IMPG1: variants seen among roughly 807,000 people sequenced by gnomAD.
The protein encoded by IMPG1 is interphotoreceptor matrix proteoglycan of 150 kDa.
Under a neutral mutation model 92.0 loss-of-function variants are expected in IMPG1, and 85 were observed. The ratio of observed to expected loss-of-function variants is 0.92; its 90% CI spans 0.78 to 1.11. The LOEUF (loss-of-function observed/expected upper bound fraction) is 1.11, where lower values mean the gene tolerates loss of function less well. Among genes scored for constraint, IMPG1 ranks in the 50% least tolerant of loss-of-function variants. The pLI is 0.00. For missense variants in IMPG1, 1,022 were observed against 956.0 expected (o/e 1.07, Z -0.91); for synonymous variants, 367 against 334.1 (o/e 1.10, Z -1.08).
Position 76,018,712 on chromosome 6 carries a change from A to T in IMPG1, c.807+6T>A, listed in dbSNP as rs777341945. The stretch of plus-strand genomic sequence containing the variant: ...AGGTGTGGTTGTATGGGCCGGGTCT[A>T]CTCACCTGAAGTTGGGACTTTCCTG... On this transcript the variant is annotated splice_donor_region_variant and intron_variant, in intron 7 of 16. Transcript: ENST00000369950. The T allele has an allele frequency of 2.5e-6, 4 of 1,612,380 alleles. No homozygotes were observed. The African/African-American group carries it at 5.3e-5, about 22-fold the overall frequency.
At chr6:76,016,235 T>C (rs533562094) in intron 7 of IMPG1, among the ~76,000 whole-genome samples, 41 of 152,338 alleles carry the variant, frequency 2.7e-4, no homozygotes, top group Non-Finnish European at 5.1e-4. Flanking sequence ...AGCTAATTTT[T>C]GGCAAAAACA....
At chr6:75,925,501 A>G (rs1781534828) in intron 15 of IMPG1, among the ~76,000 whole-genome samples, 1 of 152,086 alleles carries the variant, frequency 6.6e-6, no homozygotes, top group African/African-American at 2.4e-5. Context: ...TCATGGGAAG[A>G]AGGCAGAGGA....
In IMPG1 at chr6:76,018,831, C is replaced by A; in HGVS notation, c.694G>T (p.Glu232Ter). 1.9e-6 allele frequency: 3 copies of A among 1,604,298 alleles called. No individual in the cohort carries two copies. Among genetic ancestry groups the A allele is most frequent in the Non-Finnish European group, 2.6e-6 (3 of 1,176,302 alleles). ...TERETEFAVLEEQRVELSVSL... is the reference protein window; with the variant it reads ...TERETEFAVL The stretch of plus-strand genomic sequence containing the variant: ...ACGCTGAGCTCCACCCTCTGCTCCT[C>A]CAACACAGCGAATTCTGTTTCTCTT... The change falls in exon 7 of 17, where the codon GAG (glutamate) becomes TAG (stop). Residue 232 changes from glutamate to a stop codon, truncating the protein, a stop_gained. Transcript: ENST00000369950. LOFTEE classifies it high-confidence loss of function.
At chr6:76,009,190 A>C (rs1751514045) in intron 8 of IMPG1, among the ~76,000 whole-genome samples, 1 of 152,202 alleles carries the variant, frequency 6.6e-6, no homozygotes, top group Admixed American at 6.5e-5. Flanking sequence ...TATTTGAAGG[A>C]GTATACCCTC....
In IMPG1 at chr6:76,072,532, A is replaced by T. The variant is rs764859020; in HGVS notation, c.-44T>A. 1 of 1,126,660 alleles carries T rather than the reference A, an allele frequency of 8.9e-7. No homozygotes were observed. Among genetic ancestry groups the T allele is most frequent in the Non-Finnish European group, 1.3e-6 (1 of 753,812 alleles). 69.8% of individuals were successfully genotyped at this position (1,126,660 alleles called of 1,614,324 possible). On this transcript the variant is annotated 5_prime_UTR_variant, in exon 1 of 17. Transcript: ENST00000369950. ...GTAATTCTGATAACAATCACAGAAC[A>T]ACCTCAAATCTCATTAAAAAGTAAC...
At position 75,977,585 on chromosome 6, in the gene IMPG1, C is replaced by G. The variant is rs1238683452; in HGVS notation, c.1291+25333G>C. ...CTGGGCAACAAGAGTGAAACTCTGCCTCAAAAAAAAAAAAAACAAAAAAAA... is the reference window on the plus strand; with the variant it reads ...CTGGGCAACAAGAGTGAAACTCTGCGTCAAAAAAAAAAAAAACAAAAAAAA... On this transcript the variant is annotated intron_variant, in intron 12 of 16. Transcript: ENST00000369950. Among the ~76,000 whole-genome samples the G allele has an allele frequency of 2.6e-5, 3 of 116,886 alleles. No individual in the cohort carries two copies. In the East Asian group the frequency reaches 9.5e-4, roughly 37 times the overall value. 76.7% of individuals were successfully genotyped at this position (116,886 alleles called of 152,430 possible).
chr6:76,058,514 G>T (rs1784155977), intron 1 of IMPG1, among the ~76,000 whole-genome samples: 1 of 152,138 alleles, frequency 6.6e-6, no homozygotes, highest in Non-Finnish European at 1.5e-5. Context: ...CCATAAAAGG[G>T]AGTAATATTT....
chr6:75,993,016 A>G (rs1782839847), intron 12 of IMPG1, among the ~76,000 whole-genome samples: 1 of 152,172 alleles, frequency 6.6e-6, no homozygotes, highest in Non-Finnish European at 1.5e-5. Context: ...TCACTATTTC[A>G]TATGTGTAGG....
chr6:75,962,736 T>C (rs2149462319), intron 12 of IMPG1, among the ~76,000 whole-genome samples: 1 of 152,244 alleles, frequency 6.6e-6, no homozygotes, highest in African/African-American at 2.4e-5. Flanking sequence ...CAAAGAAAAC[T>C]AAGTGAATAA....
At chr6:76,048,295 T>A (rs1288281318) in intron 1 of IMPG1, among the ~76,000 whole-genome samples, 3 of 152,232 alleles carry the variant, frequency 2.0e-5, no homozygotes, top group African/African-American at 7.2e-5. Context: ...GACTCAGTTT[T>A]GTACTGTCCT....
At chr6:75,998,548 T>A (rs1782936271) in intron 12 of IMPG1, among the ~76,000 whole-genome samples, 1 of 152,190 alleles carries the variant, frequency 6.6e-6, no homozygotes, top group Non-Finnish European at 1.5e-5. Context: ...CTGCTTAAAG[T>A]TTGCTTCTTC....
chr6:76,007,457 T>G, intron 9 of IMPG1, 23 bp downstream of exon 9: 1 of 1,566,844 alleles, frequency 6.4e-7, no homozygotes, highest in Non-Finnish European at 8.8e-7. Flanking sequence ...GTACTATATT[T>G]CAAAACTTAA....
At chr6:76,030,656 C>G (rs1485580807) in intron 4 of IMPG1, among the ~76,000 whole-genome samples, 1 of 152,120 alleles carries the variant, frequency 6.6e-6, no homozygotes, top group East Asian at 1.9e-4. Flanking sequence ...AGACTCCAAA[C>G]AGTCATGCAA....
intron 12 of IMPG1, among the ~76,000 whole-genome samples, chr6:75,999,827 G>C (rs1401607803): frequency 6.6e-6 from 1 of 152,194 alleles, no homozygotes; most frequent in Non-Finnish European, 1.5e-5. Flanking sequence ...AGCATTGACT[G>C]AAGGTTAGAC....
intron 1 of IMPG1, among the ~76,000 whole-genome samples, chr6:76,060,234 G>T (rs937342901): frequency 6.6e-6 from 1 of 152,172 alleles, no homozygotes; most frequent in East Asian, 1.9e-4. Context: ...AAGAATGAGT[G>T]AATGTAAATG....
intron 12 of IMPG1, among the ~76,000 whole-genome samples, chr6:75,997,405 C>T (rs1261783812): frequency 6.6e-6 from 1 of 152,146 alleles, no homozygotes; most frequent in Non-Finnish European, 1.5e-5. Flanking sequence ...AACATCTTTG[C>T]CAAGCCTTCC....
At chr6:76,025,866 A>G (rs1346243427) in intron 4 of IMPG1, among the ~76,000 whole-genome samples, 1 of 152,186 alleles carries the variant, frequency 6.6e-6, no homozygotes, top group Non-Finnish European at 1.5e-5. Flanking sequence ...GAGCAGATCC[A>G]AGGTCATGGT....
chr6:75,971,473 A>AT (rs1562353095), intron 12 of IMPG1, among the ~76,000 whole-genome samples: 1 of 151,642 alleles, frequency 6.6e-6, no homozygotes, highest in African/African-American at 2.4e-5. Context: ...TATAATAATA[A>AT]TAAAAAAAAA....
At chr6:75,996,086 G>A (rs2149474723) in intron 12 of IMPG1, among the ~76,000 whole-genome samples, 1 of 152,310 alleles carries the variant, frequency 6.6e-6, no homozygotes, top group East Asian at 1.9e-4. Context: ...AACATAAAGA[G>A]TTTGCTTGAA....
Sources: allele counts gnomAD v4.1 joint callset (sites outside exome capture counted in the v4.1 genomes callset), GRCh38; gene constraint gnomAD v4.1.1; transcripts MANE v1.5; gene names NCBI Gene and HGNC (gene_info 2026-07-23, HGNC 2026-07-21).